The following ROBO2 variants were observed in gnomAD, a reference collection of about 807,000 sequenced individuals.
ROBO2 encodes the protein roundabout guidance receptor 2.
In ROBO2, 53 loss-of-function variants were observed where a neutral mutation model predicts 160.8. The observed-to-expected ratio is 0.33, with a 90% confidence interval of 0.26 to 0.41. The LOEUF (loss-of-function observed/expected upper bound fraction) is 0.41, where lower values mean the gene tolerates loss of function less well. Ranked by LOEUF, ROBO2 falls within the 10% of genes least tolerant of loss-of-function variation. The probability of loss-of-function intolerance (pLI) is 1.00; values close to 1 mark genes in which losing one functional copy is unlikely to be tolerated. For missense variants in ROBO2, 1,577 were observed against 1,722.4 expected (o/e 0.92, Z 1.49); for synonymous variants, 664 against 611.7 (o/e 1.09, Z -1.26).
chr3:77,349,057 A>G (rs1279412514), intron 2 of ROBO2, among the ~76,000 whole-genome samples: 4 of 151,924 alleles, frequency 2.6e-5, no homozygotes, highest in Non-Finnish European at 5.9e-5. Flanking sequence ...CTTACCTAAC[A>G]TCAGCCTAGC....
chr3:76,725,993 G>T (rs1379157178), intron 2 of ROBO2, among the ~76,000 whole-genome samples: 1 of 152,144 alleles, frequency 6.6e-6, no homozygotes, highest in Non-Finnish European at 1.5e-5. Flanking sequence ...CTATCTCTTG[G>T]ATGTGTGTTC....
At chr3:76,433,060 GC>G (rs1463703736) in intron 2 of ROBO2, among the ~76,000 whole-genome samples, 2 of 152,144 alleles carry the variant, frequency 1.3e-5, no homozygotes, top group Non-Finnish European at 2.9e-5. Context: ...TTGCCAAAGT[GC>G]CAATCTTTTT....
At chr3:77,475,147 G>A (rs2083851283) in intron 2 of ROBO2, among the ~76,000 whole-genome samples, 1 of 151,896 alleles carries the variant, frequency 6.6e-6, no homozygotes, top group Non-Finnish European at 1.5e-5. Context: ...AAACACAAAT[G>A]GATTTACTGA....
intron 2 of ROBO2, among the ~76,000 whole-genome samples, chr3:76,439,233 A>G (rs1211094072): frequency 6.6e-6 from 1 of 152,012 alleles, no homozygotes; most frequent in Non-Finnish European, 1.5e-5. Context: ...AAAGGTCACT[A>G]CTGTCATGGA....
chr3:77,633,377 T>C (rs1364613396), intron 23 of ROBO2: 1 of 152,146 alleles, frequency 6.6e-6, no homozygotes, highest in South Asian at 2.1e-4. Flanking sequence ...AAAAAGAATG[T>C]GGGATTAATA....
At chr3:76,652,241 G>A (rs780193728) in intron 2 of ROBO2, among the ~76,000 whole-genome samples, 2 of 152,134 alleles carry the variant, frequency 1.3e-5, no homozygotes, top group Non-Finnish European at 2.9e-5. Context: ...CACAAATGAG[G>A]TGGATAATTA....
chr3:77,337,300 C>G (rs1365650584), intron 2 of ROBO2, among the ~76,000 whole-genome samples: 1 of 152,106 alleles, frequency 6.6e-6, no homozygotes, highest in East Asian at 1.9e-4. Flanking sequence ...TTTCTTTCTT[C>G]TTTGGAAAGA....
At chr3:76,337,374 T>G (rs562595993) in intron 2 of ROBO2, among the ~76,000 whole-genome samples, 1 of 152,190 alleles carries the variant, frequency 6.6e-6, no homozygotes, top group East Asian at 1.9e-4. Context: ...TCCACTTAGG[T>G]AAAATACATG....
intron 2 of ROBO2, among the ~76,000 whole-genome samples, chr3:76,215,373 A>T (rs184256887): frequency 6.6e-6 from 1 of 152,306 alleles, no homozygotes; most frequent in African/African-American, 2.4e-5. Flanking sequence ...GATCTAAAGG[A>T]GGAAGTTCGA....
At chr3:77,091,927 C>CCAAGAT (rs1236635819) in intron 1 of ROBO2, 9 of 151,430 alleles carry the variant, frequency 5.9e-5, no homozygotes, top group Non-Finnish European at 1.0e-4. Flanking sequence ...TTGCAGTGAG[C>CCAAGAT]CAAGATCATA....
At chr3:76,847,560 A>T (rs924015296) in intron 2 of ROBO2, among the ~76,000 whole-genome samples, 4 of 152,154 alleles carry the variant, frequency 2.6e-5, no homozygotes, top group Admixed American at 2.6e-4. Flanking sequence ...CTAGTAGTGA[A>T]CATAAAGAAG....
intron 2 of ROBO2, among the ~76,000 whole-genome samples, chr3:76,317,731 G>A (rs2072159590): frequency 1.3e-5 from 2 of 151,956 alleles, no homozygotes; most frequent in South Asian, 2.1e-4. Context: ...GATTATTAGA[G>A]TATTTTTTAT....
At chr3:76,619,661 T>C (rs1054178341) in intron 2 of ROBO2, among the ~76,000 whole-genome samples, 1 of 152,192 alleles carries the variant, frequency 6.6e-6, no homozygotes, top group African/African-American at 2.4e-5. Flanking sequence ...TATCATTATG[T>C]ATTAGCACAC....
intron 2 of ROBO2, among the ~76,000 whole-genome samples, chr3:76,852,751 G>T (rs543398245): frequency 6.6e-6 from 1 of 152,136 alleles, no homozygotes; most frequent in South Asian, 2.1e-4. Flanking sequence ...TCATTATTTT[G>T]TAGTTATTAC....
intron 2 of ROBO2, among the ~76,000 whole-genome samples, chr3:77,137,522 G>C (rs772656960): frequency 6.6e-6 from 1 of 152,314 alleles, no homozygotes; most frequent in South Asian, 2.1e-4. Flanking sequence ...CAGGGCCCCC[G>C]GCCGTATATA....
chr3:76,118,214 C>T (rs1327084413), intron 2 of ROBO2, among the ~76,000 whole-genome samples: 1 of 152,110 alleles, frequency 6.6e-6, no homozygotes, highest in Non-Finnish European at 1.5e-5. Context: ...TTATTCTTCA[C>T]TTTCTACTGA....
chr3:77,627,088 C>T (rs2095043347), intron 23 of ROBO2, among the ~76,000 whole-genome samples: 1 of 152,122 alleles, frequency 6.6e-6, no homozygotes, highest in Admixed American at 6.5e-5. Context: ...TCTTAGACTA[C>T]TTTTACAGGT....
At chr3:76,139,660 C>G (rs2071557437) in intron 2 of ROBO2, among the ~76,000 whole-genome samples, 1 of 151,928 alleles carries the variant, frequency 6.6e-6, no homozygotes, top group Admixed American at 6.6e-5. Context: ...GCATCAAGCT[C>G]CTGTGAAGTA....
chr3:77,501,126 T>C (rs1023467555), intron 5 of ROBO2, among the ~76,000 whole-genome samples: 1 of 152,162 alleles, frequency 6.6e-6, no homozygotes, highest in African/African-American at 2.4e-5. Flanking sequence ...TGTTAGAGCA[T>C]TCAGTTAGGC....
Sources: allele counts gnomAD v4.1 joint callset (sites outside exome capture counted in the v4.1 genomes callset), GRCh38; gene constraint gnomAD v4.1.1; transcripts MANE v1.5; gene names NCBI Gene and HGNC (gene_info 2026-07-23, HGNC 2026-07-21).